Variants in TIAM2 observed in about 807,000 individuals in gnomAD.
TIAM2 encodes the protein TIAM Rac1 associated GEF 2.
In TIAM2, 80 loss-of-function variants were observed where a neutral mutation model predicts 152.9. That is an observed-to-expected ratio of 0.52 (90% CI 0.44 to 0.63). The LOEUF is 0.63. TIAM2 is among the 30% of genes least tolerant of loss of function. The pLI is 0.00. For synonymous variants in TIAM2, 804 were observed against 838.0 expected (o/e 0.96, Z 0.70); for missense variants, 1,965 against 2,120.1 (o/e 0.93, Z 1.44).
In TIAM2 at chr6:155,005,616, A is replaced by G. The variant is rs186099968; in HGVS notation, c.-209+10124A>G. Reference sequence around the variant, plus strand: ...TGGCCTCTCAAAGTGCTGGGATTACAGGGGTGAGCCACCTCACCTGGCACT... The same window carrying G: ...TGGCCTCTCAAAGTGCTGGGATTACGGGGGTGAGCCACCTCACCTGGCACT... On this transcript the variant is annotated intron_variant, in intron 1 of 26. Coordinates refer to ENST00000682666, the MANE Select transcript of TIAM2 (RefSeq NM_012454.4). 4.3e-3 allele frequency among the ~76,000 whole-genome samples: 646 copies of G among 150,834 alleles called. 7 individuals are homozygous for G. The highest frequency in any genetic ancestry group is 0.015 in the African/African-American group (604 of 41,032).
chr6:155,056,794 T>C (rs1381907857), intron 1 of TIAM2, among the ~76,000 whole-genome samples: 1 of 151,936 alleles, frequency 6.6e-6, no homozygotes, highest in African/African-American at 2.4e-5. Flanking sequence ...TACCTTATTA[T>C]TAACTAAAGC....
chr6:155,080,557 A>T (rs1778040073), intron 1 of TIAM2, among the ~76,000 whole-genome samples: 1 of 151,602 alleles, frequency 6.6e-6, no homozygotes, highest in Admixed American at 6.6e-5. Flanking sequence ...CCCCTGCCTC[A>T]GCCTCCTGAG....
At chr6:155,171,080 T>C (rs1225501800) in intron 9 of TIAM2, among the ~76,000 whole-genome samples, 4 of 152,344 alleles carry the variant, frequency 2.6e-5, no homozygotes, top group African/African-American at 4.8e-5. Flanking sequence ...TGCACAAACC[T>C]ATTTTTATAC....
chr6:155,000,995 C>T (rs1051435986), intron 1 of TIAM2, among the ~76,000 whole-genome samples: 54 of 151,802 alleles, frequency 3.6e-4, no homozygotes, highest in African/African-American at 1.3e-3. Context: ...AACAAACAAA[C>T]AAAAAAAGAA....
In TIAM2 at chr6:155,256,511, A is replaced by C; in HGVS notation, c.4496A>C (p.Lys1499Thr). The C allele has an allele frequency of 6.2e-7, 1 of 1,614,236 alleles. No homozygotes were observed. The highest frequency in any genetic ancestry group is 8.5e-7 in the Non-Finnish European group (1 of 1,180,040). The change falls in exon 27 of 27, where the codon AAG (lysine) becomes ACG (threonine). Residue 1499 changes from lysine (K) to threonine (T), a missense_variant. This residue lies in a region of TIAM2 where 935 missense variants were observed against 980.0 expected (regional missense o/e 0.95). Transcript: ENST00000682666. ...LASSRSLKVL[K>T]NSSSNEWTGE... ...TCATCCAGGTCTTTAAAAGTCCTGA[A>C]GAATTCCTCCAGCAACGAGTGGACC... is the stretch of plus-strand genomic sequence containing the variant.
chr6:155,110,756 C>T (rs1328281498), intron 2 of TIAM2, among the ~76,000 whole-genome samples: 1 of 152,154 alleles, frequency 6.6e-6, no homozygotes, highest in African/African-American at 2.4e-5. Flanking sequence ...ATGTAAGGCA[C>T]TTTTGGAAAA....
chr6:155,106,747 C>T (rs894256823), intron 2 of TIAM2, among the ~76,000 whole-genome samples: 2 of 152,206 alleles, frequency 1.3e-5, no homozygotes, highest in South Asian at 2.1e-4. Context: ...ACTTGGGAGC[C>T]GTGTTCCTAT....
intron 9 of TIAM2, among the ~76,000 whole-genome samples, chr6:155,170,055 G>A (rs1489818441): frequency 2.0e-5 from 3 of 151,962 alleles, no homozygotes; most frequent in Non-Finnish European, 2.9e-5. Context: ...CTGACGTCGC[G>A]ATCCACCCAC....
chr6:155,148,528 A>C (rs1779871343), intron 7 of TIAM2, among the ~76,000 whole-genome samples, 194 bp downstream of exon 7: 1 of 152,022 alleles, frequency 6.6e-6, no homozygotes, highest in African/African-American at 2.4e-5. Flanking sequence ...GGGTGATATG[A>C]TATGCTTTAT....
Position 155,165,335 on chromosome 6 carries a change from G to A in TIAM2, c.2287G>A (p.Gly763Arg), listed in dbSNP as rs1315467323. Residue 763 changes from glycine to arginine, a missense_variant, in exon 9 of 27, where the codon GGA becomes AGA. This residue lies in a region of TIAM2 where 1,025 missense variants were observed against 1,119.4 expected (regional missense o/e 0.92). Transcript: ENST00000682666. ...SLTQRGRNKK[G>R]IFSSLKGLDT... ...GACCCAGCGAGGGAGAAACAAGAAG[G>A]GAATATTTTCTTCGTTAAAAGGGCT... 6.2e-7 allele frequency: 1 copy of A among 1,613,928 alleles called. No homozygotes were observed. Among genetic ancestry groups the A allele is most frequent in the African/African-American group, 1.3e-5 (1 of 74,862 alleles).
intron 1 of TIAM2, among the ~76,000 whole-genome samples, chr6:155,008,333 G>A (rs140594655): frequency 6.6e-6 from 1 of 152,298 alleles, no homozygotes; most frequent in African/African-American, 2.4e-5. Context: ...TGCCTCTTAT[G>A]TATATATTAC....
intron 1 of TIAM2, among the ~76,000 whole-genome samples, chr6:155,086,437 C>T (rs1192935702): frequency 3.3e-5 from 5 of 152,070 alleles, no homozygotes; most frequent in African/African-American, 9.7e-5. Flanking sequence ...CCGGGCACGG[C>T]GACTTACACC....
At chr6:155,167,383 G>A (rs1422361271) in intron 9 of TIAM2, among the ~76,000 whole-genome samples, 2 of 151,942 alleles carry the variant, frequency 1.3e-5, no homozygotes, top group East Asian at 1.9e-4. Flanking sequence ...CACCACACGT[G>A]GCTAATTTTT....
chr6:155,179,189 G>A (rs927835771), intron 11 of TIAM2, 46 bp downstream of exon 11: 8 of 1,543,440 alleles, frequency 5.2e-6, no homozygotes, highest in Admixed American at 3.6e-5. Flanking sequence ...CCACATCTAT[G>A]GCCCTTTGAT....
chr6:155,141,867 C>G lies in TIAM2; in HGVS notation c.1631-2739C>G, dbSNP rs371379729. ...TGAGGGAAAACCAAGACTAATTGCC[C>G]TCTTTCCCCTGGGTGAGATTTCTAC... On this transcript the variant is annotated intron_variant, in intron 5 of 26. Coordinates refer to ENST00000682666, the MANE Select transcript of TIAM2 (RefSeq NM_012454.4). Among the ~76,000 whole-genome samples, 60 of 152,286 alleles carry G rather than the reference C, an allele frequency of 3.9e-4. No individual in the cohort carries two copies. In the South Asian group the frequency reaches 0.012, roughly 30 times the overall value.
chr6:154,998,086 T>G (rs1778251139), intron 1 of TIAM2, among the ~76,000 whole-genome samples: 1 of 152,226 alleles, frequency 6.6e-6, no homozygotes, highest in African/African-American at 2.4e-5. Context: ...TGTCTTCTCC[T>G]TGATTACAGG....
intron 7 of TIAM2, among the ~76,000 whole-genome samples, chr6:155,162,154 C>T (rs892653248): frequency 2.6e-5 from 4 of 151,928 alleles, no homozygotes; most frequent in Non-Finnish European, 5.9e-5. Context: ...GACAGGATTT[C>T]GCCATGTTGC....
At chr6:155,255,787 C>T (rs1436986666) in intron 26 of TIAM2, 25 of 152,324 alleles carry the variant, frequency 1.6e-4, no homozygotes, top group Admixed American at 1.6e-3. Context: ...ATCCCTTGAG[C>T]TCTTGAGAAC....
At chr6:155,200,279 C>T (rs1394859636) in intron 14 of TIAM2, among the ~76,000 whole-genome samples, 1 of 152,148 alleles carries the variant, frequency 6.6e-6, no homozygotes, top group Non-Finnish European at 1.5e-5. Context: ...GTCATAGCTT[C>T]GCTATCTATT....
Sources: allele counts gnomAD v4.1 joint callset (sites outside exome capture counted in the v4.1 genomes callset), GRCh38; gene constraint gnomAD v4.1.1; regional missense constraint gnomAD v4.1.1; transcripts MANE v1.5; gene names NCBI Gene and HGNC (gene_info 2026-07-23, HGNC 2026-07-21).